Variants in PCLO observed in about 807,000 individuals in gnomAD.
PCLO encodes the protein piccolo presynaptic cytomatrix protein.
Under a neutral mutation model 427.5 loss-of-function variants are expected in PCLO, and 82 were observed. That is an observed-to-expected ratio of 0.19 (90% confidence interval 0.16 to 0.23). The LOEUF (loss-of-function observed/expected upper bound fraction) is 0.23, where lower values mean the gene tolerates loss of function less well. PCLO is among the 10% of genes least tolerant of loss of function. The pLI, the probability that PCLO is intolerant of heterozygous loss-of-function variation, is 1.00. For missense variants in PCLO, 6,239 were observed against 6,115.9 expected, an observed-to-expected ratio of 1.02 and a Z score of -0.67; for synonymous variants, 2,357 against 2,155.4, an observed-to-expected ratio of 1.09 and a Z score of -2.59.
intron 3 of PCLO, among the ~76,000 whole-genome samples, chr7:82,987,861 C>T (rs1024689503): frequency 1.3e-5 from 2 of 151,824 alleles, no homozygotes; most frequent in Non-Finnish European, 2.9e-5. Context: ...TTAGTTAACA[C>T]AGAACAAGAG....
intron 20 of PCLO, among the ~76,000 whole-genome samples, chr7:82,817,020 T>C (rs567118946): frequency 1.3e-5 from 2 of 152,140 alleles, no homozygotes; most frequent in Non-Finnish European, 2.9e-5. Flanking sequence ...TGAAAATGCA[T>C]AGTCAATCAT....
In PCLO at chr7:83,134,471, G is replaced by T; in HGVS notation, c.3079C>A (p.Pro1027Thr). The T allele has an allele frequency of 6.2e-7, 1 of 1,613,392 alleles. No individual in the cohort carries two copies. The highest frequency in any genetic ancestry group is 1.3e-5 in the African/African-American group (1 of 74,864). Residue 1027 changes from proline (P) to threonine (T), a missense_variant, in exon 3 of 25, where the codon CCA becomes ACA. By Grantham distance (38) the Pro-to-Thr change is conservative (BLOSUM62 -1). Coordinates refer to ENST00000333891, the MANE Select transcript of PCLO (RefSeq NM_033026.6). The stretch of plus-strand genomic sequence containing the variant: ...GATTTGCTATCCTTAATAGGTGGTG[G>T]CTTTTTTTCTGTTTCTGTTCTTTTT... ...TVKRTETEKK[P>T]PPIKDSKSLT...
At chr7:83,005,945 T>C (rs1787935673) in intron 3 of PCLO, among the ~76,000 whole-genome samples, 1 of 151,628 alleles carries the variant, frequency 6.6e-6, no homozygotes, top group Non-Finnish European at 1.5e-5. Flanking sequence ...GCCATTACAG[T>C]AAAATATAGG....
At chr7:83,003,793 C>T (rs529123746) in intron 3 of PCLO, among the ~76,000 whole-genome samples, 151 of 151,720 alleles carry the variant, frequency 1.0e-3, no homozygotes, top group Non-Finnish European at 1.9e-3. Context: ...GGAATATTGG[C>T]CTGAGTTTTC....
At position 82,956,393 on chromosome 7, in the gene PCLO, T is replaced by C; in HGVS notation, c.4560A>G (p.Glu1520=). Residue 1520 remains glutamate, a synonymous_variant, in exon 5 of 25, where the codon GAA becomes GAG. Coordinates refer to ENST00000333891, the MANE Select transcript of PCLO (RefSeq NM_033026.6). ...GTTTTCTTTGTGGAACAGGTGAGTTTTCACTTTCACTACTCTCTTCAACTG... is the reference window on the plus strand; with the variant it reads ...GTTTTCTTTGTGGAACAGGTGAGTTCTCACTTTCACTACTCTCTTCAACTG... ...YDSVEESSES[E]NSPVPQRKRR... 1.9e-6 allele frequency: 3 copies of C among 1,613,648 alleles called. No individual in the cohort carries two copies. The highest frequency in any genetic ancestry group is 2.5e-6 in the Non-Finnish European group (3 of 1,179,872).
At chr7:83,076,566 A>C (rs1345223160) in intron 3 of PCLO, among the ~76,000 whole-genome samples, 1 of 151,818 alleles carries the variant, frequency 6.6e-6, no homozygotes, top group Non-Finnish European at 1.5e-5. Flanking sequence ...CCTGGCAGAG[A>C]AATTTCACTT....
At position 82,908,939 on chromosome 7, in the gene PCLO, G is replaced by A. The variant is rs368096852; in HGVS notation, c.13375C>T (p.Leu4459=). The A allele has an allele frequency of 5.8e-4, 937 of 1,612,872 alleles. 5 individuals are homozygous for A. The highest frequency in any genetic ancestry group is 3.3e-4 in the Middle Eastern group (2 of 6,058). ...RESRLENGHG[L]DRKLPERLVH... The stretch of plus-strand genomic sequence containing the variant: ...AATCTTTCCGGCAGTTTTCGGTCCA[G>A]ACCATGTCCATTTTCCAAACGAGAC... The change falls in exon 8 of 25, where the codon CTG becomes TTG. Residue 4459 remains leucine (L), a synonymous_variant. Coordinates refer to ENST00000333891, the MANE Select transcript of PCLO (RefSeq NM_033026.6).
At chr7:83,063,433 TATTTCAAATACCC>T (rs1392182255) in intron 3 of PCLO, among the ~76,000 whole-genome samples, 1 of 152,122 alleles carries the variant, frequency 6.6e-6, no homozygotes, top group African/African-American at 2.4e-5. Context: ...ATAGAAGCCA[TATTTCAAATACCC>T]ATACAACCCT....
intron 3 of PCLO, among the ~76,000 whole-genome samples, chr7:82,987,401 T>C (rs1171626887): frequency 1.3e-5 from 2 of 151,942 alleles, no homozygotes; most frequent in African/African-American, 4.8e-5. Context: ...CAGATATAAA[T>C]GGGGTAATAC....
chr7:83,069,899 A>G (rs904855552), intron 3 of PCLO, among the ~76,000 whole-genome samples: 3 of 151,462 alleles, frequency 2.0e-5, no homozygotes, highest in Non-Finnish European at 4.4e-5. Context: ...TACACCTTCG[A>G]GCCCTGTGGT....
At position 82,826,660 on chromosome 7, in the gene PCLO, G is replaced by C; in HGVS notation, c.14344C>G (p.Leu4782Val). The C allele has an allele frequency of 6.3e-7, 1 of 1,580,778 alleles. No homozygotes were observed. The highest frequency in any genetic ancestry group is 8.7e-7 in the Non-Finnish European group (1 of 1,154,028). The change falls in exon 18 of 25, where the codon CTC (leucine) becomes GTC (valine). Residue 4782 changes from leucine to valine, a missense_variant and splice_region_variant. Leu to Val is a conservative substitution (Grantham distance 32). This residue lies in a region of PCLO where 877 missense variants were observed against 925.5 expected (regional missense o/e 0.95). Coordinates refer to ENST00000333891, the MANE Select transcript of PCLO (RefSeq NM_033026.6). ...VIYKSISMEQLKKKTLEVTVW... is the reference protein window; with the variant it reads ...VIYKSISMEQVKKKTLEVTVW... ...GTCACCTCCAGTGTTTTCTTCTTGA[G>C]CTATATAGTTCAAATAGAAATCTAA...
intron 10 of PCLO, among the ~76,000 whole-genome samples, chr7:82,861,358 T>C (rs565458283): frequency 6.6e-6 from 1 of 151,800 alleles, no homozygotes; most frequent in Non-Finnish European, 1.5e-5. Context: ...TTATTACACT[T>C]AGAAAAAGTA....
At chr7:82,996,117 AAATG>A (rs1239183330) in intron 3 of PCLO, among the ~76,000 whole-genome samples, 1 of 151,872 alleles carries the variant, frequency 6.6e-6, no homozygotes, top group Non-Finnish European at 1.5e-5. Flanking sequence ...ATATTTTAAG[AAATG>A]AATGTCAAAA....
chr7:83,130,246 C>T (rs1222537667), intron 3 of PCLO, among the ~76,000 whole-genome samples: 1 of 152,118 alleles, frequency 6.6e-6, no homozygotes, highest in Non-Finnish European at 1.5e-5. Flanking sequence ...GTAGGGAAAA[C>T]TTAGTTCACT....
chr7:82,950,179 G>T lies in PCLO; in HGVS notation c.10409C>A (p.Thr3470Lys), dbSNP rs1795302392. Reference sequence around the variant, plus strand: ...ATCTTCATCATCAGTTTGGACGCTTGTATCCACACTCTTTTTAGTTCTCCT... The same window carrying T: ...ATCTTCATCATCAGTTTGGACGCTTTTATCCACACTCTTTTTAGTTCTCCT... ...RRRRTKKSVD[T>K]SVQTDDEDQD... The change falls in exon 6 of 25, where the codon ACA becomes AAA. Residue 3470 changes from threonine to lysine, a missense_variant. Transcript: ENST00000333891. 1 of 1,610,942 alleles carries T rather than the reference G, an allele frequency of 6.2e-7. No individual in the cohort carries two copies. The highest frequency in any genetic ancestry group is 8.5e-7 in the Non-Finnish European group (1 of 1,179,412).
chr7:83,026,557 G>C (rs1006592419), intron 3 of PCLO, among the ~76,000 whole-genome samples: 37 of 150,792 alleles, frequency 2.5e-4, no homozygotes, highest in African/African-American at 8.2e-4. Context: ...GAGACAGAAA[G>C]TCAACAAGGA....
intron 3 of PCLO, among the ~76,000 whole-genome samples, chr7:83,022,293 T>C (rs1477177779): frequency 3.9e-5 from 6 of 152,200 alleles, no homozygotes. Context: ...TACATTTTTG[T>C]TGTTTATAAA....
At chr7:82,904,650 C>CA (rs766649155) in intron 8 of PCLO, among the ~76,000 whole-genome samples, 4 of 151,876 alleles carry the variant, frequency 2.6e-5, no homozygotes, top group Non-Finnish European at 4.4e-5. Flanking sequence ...GTATTCTTTC[C>CA]AATTTTCAGG....
intron 4 of PCLO, among the ~76,000 whole-genome samples, chr7:82,965,023 A>G (rs1795732750): frequency 6.6e-6 from 1 of 152,162 alleles, no homozygotes; most frequent in Non-Finnish European, 1.5e-5. Flanking sequence ...GATCTCTTAC[A>G]GCTCCAAAAA....
Sources: gnomAD v4.1 joint callset for allele counts (sites outside exome capture counted in the v4.1 genomes callset) on GRCh38, gnomAD v4.1.1 for gene constraint, gnomAD v4.1.1 regional missense constraint, MANE v1.5 for transcripts, NCBI Gene and HGNC (gene_info 2026-07-23, HGNC 2026-07-21) for gene names.